SGCZ: variants seen among roughly 807,000 people sequenced by gnomAD.
SGCZ encodes the protein zeta-sarcoglycan.
In SGCZ, 40 loss-of-function variants were observed where a neutral mutation model predicts 41.3. The observed-to-expected ratio is 0.97, with a 90% CI of 0.75 to 1.26. SGCZ has a LOEUF of 1.26. SGCZ is among the 50% of genes most tolerant of loss of function. SGCZ has a pLI of 0.00. For missense variants in SGCZ, 552 were observed against 369.8 expected (o/e 1.49, Z -4.04); for synonymous variants, 206 against 137.5 (o/e 1.50, Z -3.49).
chr8:14,477,361 TAATG>T (rs899219410), intron 2 of SGCZ, among the ~76,000 whole-genome samples: 1 of 152,144 alleles, frequency 6.6e-6, no homozygotes, highest in African/African-American at 2.4e-5. Context: ...ATGAGCTCAT[TAATG>T]AATGTTAATA....
chr8:14,185,204 A>G (rs1327450353), intron 4 of SGCZ, among the ~76,000 whole-genome samples: 1 of 152,094 alleles, frequency 6.6e-6, no homozygotes, highest in Non-Finnish European at 1.5e-5. Context: ...GATCAAGACC[A>G]TTCTGGTTAA....
chr8:14,402,176 T>A, intron 2 of SGCZ, among the ~76,000 whole-genome samples: 1 of 152,158 alleles, frequency 6.6e-6, no homozygotes, highest in Non-Finnish European at 1.5e-5. Context: ...TCATTGTAGA[T>A]TCTGGATATT....
chr8:14,309,684 T>G, intron 3 of SGCZ: 1 of 1,609,954 alleles, frequency 6.2e-7, no homozygotes, highest in South Asian at 1.1e-5. Context: ...AGAAGACACC[T>G]TCTGAGTATT....
intron 1 of SGCZ, among the ~76,000 whole-genome samples, chr8:14,958,560 G>A (rs955978733): frequency 4.5e-4 from 69 of 151,974 alleles, no homozygotes; most frequent in African/African-American, 1.6e-3. Flanking sequence ...AGAAGTGACT[G>A]TGGAGGTGGA....
chr8:14,685,448 C>A (rs1808582225), intron 1 of SGCZ, among the ~76,000 whole-genome samples: 1 of 152,040 alleles, frequency 6.6e-6, no homozygotes, highest in African/African-American at 2.4e-5. Context: ...TCAAACTTTT[C>A]AATCCCATAG....
At chr8:14,253,517 G>C (rs996102618) in intron 3 of SGCZ, among the ~76,000 whole-genome samples, 3 of 151,860 alleles carry the variant, frequency 2.0e-5, no homozygotes, top group Non-Finnish European at 4.4e-5. Flanking sequence ...TCTCTTTTTT[G>C]ACTTAACAGA....
chr8:14,946,431 A>C (rs987953366), intron 1 of SGCZ, among the ~76,000 whole-genome samples: 22 of 152,050 alleles, frequency 1.4e-4, no homozygotes, highest in African/African-American at 5.1e-4. Flanking sequence ...CAATAGCAGC[A>C]GGGTGGTTTT....
chr8:14,701,694 G>A (rs118158375), intron 1 of SGCZ, among the ~76,000 whole-genome samples: 1 of 151,688 alleles, frequency 6.6e-6, no homozygotes, highest in Non-Finnish European at 1.5e-5. Flanking sequence ...GTCCCACTGA[G>A]AAAGCAGACA....
At chr8:14,219,926 A>C (rs1806134696) in intron 4 of SGCZ, among the ~76,000 whole-genome samples, 1 of 152,184 alleles carries the variant, frequency 6.6e-6, no homozygotes, top group African/African-American at 2.4e-5. Flanking sequence ...TGAATCCCTA[A>C]GCACAGATTT....
At chr8:14,229,062 G>A (rs1468356672) in intron 4 of SGCZ, among the ~76,000 whole-genome samples, 4 of 152,102 alleles carry the variant, frequency 2.6e-5, no homozygotes, top group Non-Finnish European at 2.9e-5. Flanking sequence ...AGCCAGCAAA[G>A]GTTGAAGATG....
At chr8:15,211,514 T>C (rs1801236845) in intron 1 of SGCZ, among the ~76,000 whole-genome samples, 1 of 152,120 alleles carries the variant, frequency 6.6e-6, no homozygotes. Flanking sequence ...CTGCCTCCAA[T>C]GCAACAGTCA....
intron 1 of SGCZ, among the ~76,000 whole-genome samples, chr8:14,579,684 C>A (rs1310146439): frequency 6.6e-6 from 1 of 152,096 alleles, no homozygotes; most frequent in East Asian, 1.9e-4. Flanking sequence ...CTGCTTTGGG[C>A]AGTTAGATTA....
At chr8:14,201,273 T>C (rs184732148) in intron 4 of SGCZ, among the ~76,000 whole-genome samples, 54 of 152,260 alleles carry the variant, frequency 3.5e-4, no homozygotes, top group African/African-American at 1.3e-3. Context: ...TCCCCAGGTA[T>C]TTATGTCATC....
At chr8:15,032,680 G>A (rs1208342885) in intron 1 of SGCZ, among the ~76,000 whole-genome samples, 1 of 152,096 alleles carries the variant, frequency 6.6e-6, no homozygotes, top group Non-Finnish European at 1.5e-5. Context: ...CCCATTGCCA[G>A]GTCAGCCCCC....
At chr8:14,881,863 ACAT>A (rs1198564126) in intron 1 of SGCZ, among the ~76,000 whole-genome samples, 1 of 152,194 alleles carries the variant, frequency 6.6e-6, no homozygotes, top group Non-Finnish European at 1.5e-5. Flanking sequence ...AAAAGAACTG[ACAT>A]CATAACAGTC....
At chr8:14,850,330 GGAC>G (rs1262185941) in intron 1 of SGCZ, among the ~76,000 whole-genome samples, 3 of 152,074 alleles carry the variant, frequency 2.0e-5, no homozygotes, top group Non-Finnish European at 4.4e-5. Context: ...AGGAGTCTCA[GGAC>G]TTTAAAGGAG....
intron 1 of SGCZ, among the ~76,000 whole-genome samples, chr8:15,222,949 T>C (rs978727255): frequency 1.3e-5 from 2 of 152,192 alleles, no homozygotes; most frequent in Non-Finnish European, 2.9e-5. Flanking sequence ...TGCATGAGTT[T>C]CATGAAAGCA....
chr8:14,704,562 T>A (rs905431668), intron 1 of SGCZ, among the ~76,000 whole-genome samples: 3 of 151,976 alleles, frequency 2.0e-5, no homozygotes, highest in African/African-American at 7.2e-5. Context: ...CAGATAGAAA[T>A]GAAATTAACA....
At chr8:15,132,166 C>G (rs1807931327) in intron 1 of SGCZ, among the ~76,000 whole-genome samples, 1 of 152,138 alleles carries the variant, frequency 6.6e-6, no homozygotes, top group African/African-American at 2.4e-5. Context: ...TTTCTTTCCA[C>G]ATTGCCATTT....
Sources: allele counts gnomAD v4.1 joint callset (sites outside exome capture counted in the v4.1 genomes callset), GRCh38; gene constraint gnomAD v4.1.1; transcripts MANE v1.5; gene names NCBI Gene and HGNC (gene_info 2026-07-23, HGNC 2026-07-21).